EPHA6: variants seen among roughly 807,000 people sequenced by gnomAD.
EPHA6 encodes ephrin type-A receptor 6.
A neutral mutation model predicts 112.0 loss-of-function variants in EPHA6; 50 were observed. That is an observed-to-expected ratio of 0.45 (90% CI 0.36 to 0.56). The LOEUF (loss-of-function observed/expected upper bound fraction) is 0.56. Among genes scored for constraint, EPHA6 ranks in the 20% least tolerant of loss-of-function variants. The pLI is 0.00. For missense variants in EPHA6, 1,280 were observed against 1,417.4 expected (o/e 0.90, Z 1.56); for synonymous variants, 529 against 490.7 (o/e 1.08, Z -1.03).
chr3:97,056,200 C>T (rs2045845742), intron 3 of EPHA6, among the ~76,000 whole-genome samples: 1 of 152,114 alleles, frequency 6.6e-6, no homozygotes. Context: ...CATCGCAAAC[C>T]TACCTTACGT....
At chr3:96,965,169 C>T (rs1467949964) in intron 2 of EPHA6, among the ~76,000 whole-genome samples, 3 of 152,096 alleles carry the variant, frequency 2.0e-5, no homozygotes, top group Non-Finnish European at 4.4e-5. Flanking sequence ...GACTCAGTTA[C>T]TGTTACAGGA....
At chr3:97,375,455 A>G (rs947676187) in intron 5 of EPHA6, among the ~76,000 whole-genome samples, 2 of 152,248 alleles carry the variant, frequency 1.3e-5, no homozygotes, top group Admixed American at 6.5e-5. Context: ...GGCAAAAGCT[A>G]TTGAGCATTA....
chr3:97,120,510 C>G (rs574922019), intron 3 of EPHA6, among the ~76,000 whole-genome samples: 1 of 151,714 alleles, frequency 6.6e-6, no homozygotes, highest in Non-Finnish European at 1.5e-5. Flanking sequence ...TGATAATGGA[C>G]TGAGTCACCA....
At position 97,244,215 on chromosome 3, in the gene EPHA6, A is replaced by T. The variant is rs1408331926; in HGVS notation, c.1534A>T (p.Met512Leu). Residue 512 changes from methionine (M) to leucine (L), a missense_variant, in exon 5 of 18, where the codon ATG becomes TTG. By Grantham distance (15) the Met-to-Leu change is conservative (BLOSUM62 2). This residue lies in a region of EPHA6 where 878 missense variants were observed against 999.7 expected (regional missense o/e 0.88). Coordinates refer to ENST00000389672, the MANE Select transcript of EPHA6 (RefSeq NM_001080448.3). ...GAATTACACCTTTGAAATAGAAGCA[A>T]TGAATGGAGTTTCTGAGTTGAGTTT... ...HVNYTFEIEAMNGVSELSFSP... is the reference protein window; with the variant it reads ...HVNYTFEIEALNGVSELSFSP... 6.2e-7 allele frequency: 1 copy of T among 1,613,096 alleles called. No homozygotes were observed. The highest frequency in any genetic ancestry group is 8.5e-7 in the Non-Finnish European group (1 of 1,179,378).
chr3:97,047,566 G>A (rs2045555497), intron 3 of EPHA6, among the ~76,000 whole-genome samples: 1 of 151,174 alleles, frequency 6.6e-6, no homozygotes, highest in Admixed American at 6.6e-5. Context: ...CTTATATAAG[G>A]GATGGGTAGT....
At chr3:97,283,094 T>C (rs1447327699) in intron 5 of EPHA6, among the ~76,000 whole-genome samples, 1 of 152,202 alleles carries the variant, frequency 6.6e-6, no homozygotes, top group Non-Finnish European at 1.5e-5. Flanking sequence ...AATATTGTAA[T>C]AAACTAAGAT....
chr3:97,324,617 C>A (rs2082330977), intron 5 of EPHA6, among the ~76,000 whole-genome samples: 1 of 151,602 alleles, frequency 6.6e-6, no homozygotes, highest in Non-Finnish European at 1.5e-5. Context: ...CGGCTCACTG[C>A]AACCTCCACC....
intron 12 of EPHA6, among the ~76,000 whole-genome samples, chr3:97,594,994 TCA>T (rs2093575459): frequency 6.6e-6 from 1 of 152,208 alleles, no homozygotes; most frequent in African/African-American, 2.4e-5. Flanking sequence ...CAATTACTTA[TCA>T]TAATCAAATT....
chr3:97,359,949 C>T (rs2084285918), intron 5 of EPHA6, among the ~76,000 whole-genome samples: 3 of 151,934 alleles, frequency 2.0e-5, no homozygotes, highest in Admixed American at 6.6e-5. Context: ...CTTTCATGTA[C>T]GGCTCCCAAA....
chr3:97,223,433 C>T (rs1039707112), intron 3 of EPHA6, among the ~76,000 whole-genome samples: 7 of 152,034 alleles, frequency 4.6e-5, no homozygotes, highest in Non-Finnish European at 1.0e-4. Flanking sequence ...TGAGTAAGAG[C>T]AAGTGTTAAA....
intron 3 of EPHA6, among the ~76,000 whole-genome samples, chr3:97,111,662 C>G (rs1445408595): frequency 6.6e-6 from 1 of 152,108 alleles, no homozygotes; most frequent in Non-Finnish European, 1.5e-5. Flanking sequence ...CAATTTACAA[C>G]TTTCTCAAGA....
chr3:96,897,498 T>C (rs1166681845), intron 2 of EPHA6, among the ~76,000 whole-genome samples: 1 of 152,200 alleles, frequency 6.6e-6, no homozygotes, highest in East Asian at 1.9e-4. Flanking sequence ...TTCTCATTCC[T>C]AGGCTGAGTC....
intron 3 of EPHA6, among the ~76,000 whole-genome samples, chr3:97,185,436 A>G (rs2108461970): frequency 6.6e-6 from 1 of 152,312 alleles, no homozygotes; most frequent in Non-Finnish European, 1.5e-5. Flanking sequence ...AAAAGAAGAC[A>G]TTTATGCAGC....
intron 2 of EPHA6, among the ~76,000 whole-genome samples, chr3:96,878,962 AATTG>A (rs763558067): frequency 2.6e-5 from 4 of 152,034 alleles, no homozygotes; most frequent in Non-Finnish European, 4.4e-5. Flanking sequence ...AAACTGAATA[AATTG>A]ATTATTATTT....
chr3:97,260,991 A>G (rs2079482382), intron 5 of EPHA6, among the ~76,000 whole-genome samples: 3 of 152,194 alleles, frequency 2.0e-5, no homozygotes, highest in South Asian at 4.1e-4. Flanking sequence ...TTGCATGCCT[A>G]ATTTCAAATT....
intron 2 of EPHA6, among the ~76,000 whole-genome samples, chr3:96,882,645 A>G (rs2037381220): frequency 6.6e-6 from 1 of 152,072 alleles, no homozygotes; most frequent in Non-Finnish European, 1.5e-5. Context: ...CTTCACTTAG[A>G]ATAATAGTCT....
chr3:97,635,019 G>A (rs1197310330), intron 13 of EPHA6, among the ~76,000 whole-genome samples: 1 of 151,534 alleles, frequency 6.6e-6, no homozygotes, highest in Non-Finnish European at 1.5e-5. Flanking sequence ...GTTTGGTGCT[G>A]ACTTGATTCC....
intron 2 of EPHA6, among the ~76,000 whole-genome samples, chr3:96,981,129 A>C (rs2042754310): frequency 6.6e-6 from 1 of 152,152 alleles, no homozygotes; most frequent in Non-Finnish European, 1.5e-5. Flanking sequence ...GTCTTGTGCC[A>C]GTTTTCAAAG....
chr3:97,746,758 G>A (rs1255962977), intron 16 of EPHA6, among the ~76,000 whole-genome samples: 1 of 151,788 alleles, frequency 6.6e-6, no homozygotes, highest in African/African-American at 2.4e-5. Context: ...CATTGATTTT[G>A]TGTTGTTTTG....
Sources: allele counts gnomAD v4.1 joint callset (sites outside exome capture counted in the v4.1 genomes callset), GRCh38; gene constraint gnomAD v4.1.1; regional missense constraint gnomAD v4.1.1; transcripts MANE v1.5; gene names NCBI Gene and HGNC (gene_info 2026-07-23, HGNC 2026-07-21).